The following CSMD1 variants were observed in gnomAD, a reference collection of about 807,000 sequenced individuals.
CSMD1 encodes the protein CUB and Sushi multiple domains 1.
In CSMD1, 213 loss-of-function variants were observed where a neutral mutation model predicts 417.5. That is an observed-to-expected ratio of 0.51 (90% CI 0.46 to 0.57). The LOEUF (loss-of-function observed/expected upper bound fraction) is 0.57, where lower values mean the gene tolerates loss of function less well. Among genes scored for constraint, CSMD1 ranks in the 20% least tolerant of loss-of-function variants. The pLI is 0.00. For missense variants in CSMD1, 6,923 were observed against 4,529.7 expected (o/e 1.53, Z -15.17); for synonymous variants, 2,862 against 1,736.8 (o/e 1.65, Z -16.11).
intron 5 of CSMD1, among the ~76,000 whole-genome samples, chr8:3,886,397 A>C (rs1260149098): frequency 6.6e-6 from 1 of 152,178 alleles, no homozygotes; most frequent in Admixed American, 6.6e-5. Flanking sequence ...GTTGTGTGCT[A>C]GTTGTGGTAG....
chr8:4,129,074 C>CAAAAAAAAAA (rs10538387), intron 3 of CSMD1, among the ~76,000 whole-genome samples: 3 of 80,750 alleles, frequency 3.7e-5, no homozygotes, highest in East Asian at 4.1e-4. Context: ...GAGTCCAACT[C>CAAAAAAAAAA]AAAAAAAAAA....
At chr8:4,445,828 A>G (rs1798754529) in intron 2 of CSMD1, among the ~76,000 whole-genome samples, 1 of 152,232 alleles carries the variant, frequency 6.6e-6, no homozygotes, top group Non-Finnish European at 1.5e-5. Flanking sequence ...TAAATTGCCT[A>G]CTTAGTAATT....
chr8:4,584,695 G>C (rs573197353), intron 2 of CSMD1, among the ~76,000 whole-genome samples: 3 of 152,142 alleles, frequency 2.0e-5, no homozygotes, highest in Non-Finnish European at 4.4e-5. Flanking sequence ...GCCCAAGCCA[G>C]ACTTGCCCAT....
intron 2 of CSMD1, among the ~76,000 whole-genome samples, chr8:4,579,333 C>CAT (rs904580782): frequency 2.7e-5 from 4 of 150,810 alleles, no homozygotes; most frequent in Non-Finnish European, 4.4e-5. Flanking sequence ...TACATACATA[C>CAT]ATATATATAT....
At chr8:4,942,074 T>C (rs1482332941) in intron 1 of CSMD1, among the ~76,000 whole-genome samples, 2 of 152,242 alleles carry the variant, frequency 1.3e-5, no homozygotes, top group East Asian at 3.8e-4. Context: ...GAATCTCTCT[T>C]CACTTCCTAT....
intron 2 of CSMD1, among the ~76,000 whole-genome samples, chr8:4,576,467 G>T (rs1046672834): frequency 6.6e-6 from 1 of 152,128 alleles, no homozygotes; most frequent in Non-Finnish European, 1.5e-5. Context: ...CGTTTGGCTG[G>T]AAGGTATATA....
intron 3 of CSMD1, among the ~76,000 whole-genome samples, chr8:4,383,082 A>G (rs756041475): frequency 1.3e-5 from 2 of 152,170 alleles, no homozygotes; most frequent in Non-Finnish European, 2.9e-5. Flanking sequence ...CTCCATGATT[A>G]AGCAATGCTA....
intron 3 of CSMD1, among the ~76,000 whole-genome samples, chr8:4,154,270 A>AAAAT (rs139860935): frequency 2.0e-5 from 3 of 151,924 alleles, no homozygotes; most frequent in Non-Finnish European, 4.4e-5. Flanking sequence ...GTAATGCTAA[A>AAAAT]AAATAAATAA....
At chr8:4,182,711 A>G (rs1023355429) in intron 3 of CSMD1, among the ~76,000 whole-genome samples, 3 of 152,166 alleles carry the variant, frequency 2.0e-5, no homozygotes, top group Admixed American at 1.3e-4. Context: ...TAAGTTAGAA[A>G]GAAAAAGAAC....
intron 1 of CSMD1, among the ~76,000 whole-genome samples, chr8:4,685,577 A>AAAATAAAAAAAG (rs1806319156): frequency 6.6e-6 from 1 of 150,730 alleles, no homozygotes; most frequent in African/African-American, 2.4e-5. Flanking sequence ...CTCCTTCTTT[A>AAAATAAAAAAAG]AAAGAAAAAA....
chr8:3,504,190 A>G (rs2117358881), intron 10 of CSMD1, among the ~76,000 whole-genome samples: 1 of 152,292 alleles, frequency 6.6e-6, no homozygotes, highest in South Asian at 2.1e-4. Flanking sequence ...ACCAGTATTG[A>G]AACACTGCAT....
chr8:4,491,928 A>G (rs1801724092), intron 2 of CSMD1, among the ~76,000 whole-genome samples: 1 of 152,212 alleles, frequency 6.6e-6, no homozygotes, highest in African/African-American at 2.4e-5. Flanking sequence ...AAATATTTAT[A>G]GCAGCTTTAT....
chr8:3,919,336 G>T (rs993011614), intron 5 of CSMD1, among the ~76,000 whole-genome samples: 6 of 152,054 alleles, frequency 3.9e-5, no homozygotes, highest in Non-Finnish European at 8.8e-5. Context: ...ACGTGGGCCA[G>T]TTTCATTCCT....
At chr8:4,405,219 G>A (rs1056487825) in intron 3 of CSMD1, among the ~76,000 whole-genome samples, 2 of 152,148 alleles carry the variant, frequency 1.3e-5, no homozygotes, top group Non-Finnish European at 2.9e-5. Flanking sequence ...AGACTAACCC[G>A]TGGTTTTGCA....
At chr8:4,116,375 C>G (rs933666338) in intron 3 of CSMD1, among the ~76,000 whole-genome samples, 17 of 152,172 alleles carry the variant, frequency 1.1e-4, no homozygotes, top group African/African-American at 3.6e-4. Flanking sequence ...CTTGTCCAAA[C>G]CCATGGAATA....
chr8:3,612,640 A>G (rs1801949276), intron 8 of CSMD1, among the ~76,000 whole-genome samples: 1 of 152,182 alleles, frequency 6.6e-6, no homozygotes, highest in African/African-American at 2.4e-5. Flanking sequence ...GAAAATGTTC[A>G]GTATATGGCA....
At chr8:4,709,131 C>T (rs570684023) in intron 1 of CSMD1, among the ~76,000 whole-genome samples, 2 of 152,226 alleles carry the variant, frequency 1.3e-5, no homozygotes, top group Non-Finnish European at 2.9e-5. Context: ...ACTCTAATCA[C>T]ATGGAAATTC....
intron 3 of CSMD1, among the ~76,000 whole-genome samples, chr8:4,342,467 T>C (rs1800535533): frequency 6.6e-6 from 1 of 152,050 alleles, no homozygotes. Context: ...GACAATAAAC[T>C]GGCAGAAAAA....
intron 3 of CSMD1, among the ~76,000 whole-genome samples, chr8:4,075,738 G>T (rs1446332959): frequency 1.3e-5 from 2 of 152,074 alleles, no homozygotes; most frequent in Non-Finnish European, 2.9e-5. Flanking sequence ...ATGTTCTCAG[G>T]TTGTGTGTCC....
Sources: gnomAD v4.1 joint callset for allele counts (sites outside exome capture counted in the v4.1 genomes callset) on GRCh38, gnomAD v4.1.1 for gene constraint, MANE v1.5 for transcripts, NCBI Gene and HGNC (gene_info 2026-07-23, HGNC 2026-07-21) for gene names.